Variants in BCAS3 observed in about 807,000 individuals in gnomAD.
BCAS3 encodes BCAS4/BCAS3 fusion.
A neutral mutation model predicts 116.1 loss-of-function variants in BCAS3; 53 were observed. The observed-to-expected ratio is 0.46, with a 90% CI of 0.37 to 0.57. The LOEUF (loss-of-function observed/expected upper bound fraction) is 0.57, where lower values mean the gene tolerates loss of function less well. Ranked by LOEUF, BCAS3 falls within the 20% of genes least tolerant of loss-of-function variation. The pLI, the probability that BCAS3 is intolerant of heterozygous loss-of-function variation, is 0.00. For synonymous variants in BCAS3, 391 were observed against 408.2 expected (o/e 0.96, Z 0.51); for missense variants, 917 against 1,165.4 (o/e 0.79, Z 3.10).
intron 22 of BCAS3, among the ~76,000 whole-genome samples, chr17:61,328,891 T>C (rs1227957111): frequency 8.9e-6 from 1 of 112,804 alleles, no homozygotes; most frequent in Non-Finnish European, 1.9e-5. Context: ...ACGCAGGCTC[T>C]TTTTTTTTTT....
intron 22 of BCAS3, among the ~76,000 whole-genome samples, chr17:61,298,917 G>A (rs968667319): frequency 6.6e-6 from 1 of 151,796 alleles, no homozygotes; most frequent in African/African-American, 2.4e-5. Flanking sequence ...CTGCCTCCTG[G>A]GTTCAAGCAG....
rs1237341088 is a variant in BCAS3 at position 60,945,163 on chromosome 17, A to G, written c.1088-2056A>G. On this transcript the variant is annotated intron_variant, in intron 13 of 23. Transcript: ENST00000407086. ...TCTATGCACTAGCAAGCAAAAATTG[A>G]TCATTTTAAAAAATATTACCATTTA... Among the ~76,000 whole-genome samples the G allele has an allele frequency of 3.9e-5, 6 of 152,338 alleles. No homozygotes were observed. In the East Asian group the frequency reaches 7.7e-4, roughly 20 times the overall value.
At chr17:60,933,047 C>T (rs1191035118) in intron 13 of BCAS3, among the ~76,000 whole-genome samples, 6 of 152,062 alleles carry the variant, frequency 3.9e-5, no homozygotes, top group South Asian at 2.1e-4. Flanking sequence ...TAGTGGCACA[C>T]GCCTGTAATC....
chr17:60,755,573 A>G (rs1460021915), intron 6 of BCAS3, among the ~76,000 whole-genome samples: 1 of 152,224 alleles, frequency 6.6e-6, no homozygotes, highest in Non-Finnish European at 1.5e-5. Context: ...CTCTTTATAC[A>G]CACACTCCAT....
At position 61,365,046 on chromosome 17, in the gene BCAS3, A is replaced by G. The variant is rs1236174048; in HGVS notation, c.2426-3281A>G. On this transcript the variant is annotated intron_variant, in intron 22 of 23. Coordinates refer to ENST00000407086, the MANE Select transcript of BCAS3 (RefSeq NM_017679.5). This position sits in a 1 kb window ranked among gnomAD's most constrained non-coding sequence, Gnocchi z 4.6. ...ACTGTGTGTCAGGTCTTTTACATTTATCTACTGCAGTCCTCACAACAATCC... is the reference window on the plus strand; with the variant it reads ...ACTGTGTGTCAGGTCTTTTACATTTGTCTACTGCAGTCCTCACAACAATCC... Among the ~76,000 whole-genome samples the G allele has an allele frequency of 6.6e-6, 1 of 152,208 alleles. No individual in the cohort carries two copies. Among genetic ancestry groups the G allele is most frequent in the Non-Finnish European group, 1.5e-5 (1 of 68,040 alleles).
At chr17:61,254,209 AT>A (rs1173467623) in intron 22 of BCAS3, among the ~76,000 whole-genome samples, 2 of 152,126 alleles carry the variant, frequency 1.3e-5, no homozygotes, top group East Asian at 3.9e-4. Flanking sequence ...CCTTCAGGAG[AT>A]TTAACCCTGC....
At chr17:61,179,860 T>TTCTC (rs965020635) in intron 22 of BCAS3, among the ~76,000 whole-genome samples, 1 of 146,958 alleles carries the variant, frequency 6.8e-6, no homozygotes, top group African/African-American at 2.5e-5. Flanking sequence ...ATCACTGTTT[T>TTCTC]TCTCTCTCTC....
At chr17:60,885,949 C>T (rs1160184679) in intron 9 of BCAS3, among the ~76,000 whole-genome samples, 4 of 140,354 alleles carry the variant, frequency 2.8e-5, no homozygotes, top group African/African-American at 8.5e-5. Flanking sequence ...CGAGGAGTAT[C>T]TTTGTGGCAT....
intron 22 of BCAS3, among the ~76,000 whole-genome samples, chr17:61,312,910 C>A (rs1041204576): frequency 1.1e-4 from 17 of 152,212 alleles, no homozygotes; most frequent in African/African-American, 1.7e-4. Flanking sequence ...GTGGGCATAA[C>A]CGAAGACTTG....
In BCAS3 at chr17:61,132,550, G is replaced by A. The variant is rs2076397084; in HGVS notation, c.2425+47986G>A. Among the ~76,000 whole-genome samples the A allele has an allele frequency of 6.6e-6, 1 of 152,170 alleles. No homozygotes were observed. The highest frequency in any genetic ancestry group is 2.4e-5 in the African/African-American group (1 of 41,424). On this transcript the variant is annotated intron_variant, in intron 22 of 23. Transcript: ENST00000407086. The surrounding 1 kb of genome is among the most constrained non-coding windows in gnomAD (Gnocchi z 5.1). ...TAAGAATATAGATTGTTTGTGCCGG[G>A]CTTATACAATGGGTCTCTAAACTAT...
rs2068293821 is a variant in BCAS3, at chr17:61,046,084, A to ATATATATATAATATATATATT, written c.2029+5202_2029+5203insATATATATATTTATATATATA. On this transcript the variant is annotated intron_variant, in intron 19 of 23. Transcript: ENST00000407086. ...ATATATATATAATATATATATATTT[A>ATATATATATAATATATATATT]TATATATATATAATATATATATATA... 1.4e-4 allele frequency among the ~76,000 whole-genome samples: 5 copies of ATATATATATAATATATATATT among 36,524 alleles called. 1 individual carries two copies. Among genetic ancestry groups the ATATATATATAATATATATATT allele is most frequent in the African/African-American group, 1.2e-3 (5 of 4,018 alleles). The allele number at this position is 36,524 out of a possible 152,430, so 24.0% of individuals were successfully genotyped here.
chr17:60,896,768 A>G (rs569510094), intron 10 of BCAS3, among the ~76,000 whole-genome samples: 41 of 152,298 alleles, frequency 2.7e-4, no homozygotes, highest in African/African-American at 9.6e-4. Context: ...GGTCATTTAA[A>G]AAAATCCATT....
intron 22 of BCAS3, among the ~76,000 whole-genome samples, chr17:61,116,002 A>G (rs2075410140): frequency 6.7e-6 from 1 of 149,716 alleles, no homozygotes; most frequent in Non-Finnish European, 1.5e-5. Context: ...CAAAAAACCA[A>G]ACACCGCATA....
At chr17:60,681,779 G>A (rs1313833810) in intron 2 of BCAS3, among the ~76,000 whole-genome samples, 3 of 151,770 alleles carry the variant, frequency 2.0e-5, no homozygotes, top group Non-Finnish European at 2.9e-5. Context: ...GCCCAGGCTG[G>A]AGTGCGATGG....
intron 2 of BCAS3, among the ~76,000 whole-genome samples, chr17:60,683,442 A>G (rs1019296181): frequency 1.3e-5 from 2 of 151,048 alleles, no homozygotes; most frequent in South Asian, 2.1e-4. Context: ...ATTTAATAAC[A>G]TATATAAAGA....
At position 61,087,688 on chromosome 17, in the gene BCAS3, A is replaced by C. The variant is rs529049349; in HGVS notation, c.2425+3124A>C. ...TTTTGCAAAGAAACACATTGCCTAA[A>C]ATACATATTTTTAAATTATTAACTT... is the stretch of plus-strand genomic sequence containing the variant. On this transcript the variant is annotated intron_variant, in intron 22 of 23. Coordinates refer to ENST00000407086, the MANE Select transcript of BCAS3 (RefSeq NM_017679.5). The surrounding 1 kb of genome is among the most constrained non-coding windows in gnomAD (Gnocchi z 4.6). Among the ~76,000 whole-genome samples the C allele has an allele frequency of 1.8e-4, 28 of 152,318 alleles. No homozygotes were observed. The highest frequency in any genetic ancestry group is 6.3e-4 in the African/African-American group (26 of 41,562).
At chr17:61,165,616 G>T (rs2078444573) in intron 22 of BCAS3, among the ~76,000 whole-genome samples, 1 of 152,168 alleles carries the variant, frequency 6.6e-6, no homozygotes, top group South Asian at 2.1e-4. Context: ...AACCTGGGAG[G>T]CAGAGGTTGC....
rs572244455 is a variant in BCAS3, at chr17:60,995,547, C to T, written c.1486+5312C>T. Among the ~76,000 whole-genome samples, 1 of 152,204 alleles carries T rather than the reference C, an allele frequency of 6.6e-6. No homozygotes were observed. Among genetic ancestry groups the T allele is most frequent in the East Asian group, 1.9e-4 (1 of 5,174 alleles). ...TCCTGACCTCAAGTGATCCACCTGC[C>T]TCAGCCTCCCAAGGTGCTGGGATTA... On this transcript the variant is annotated intron_variant, in intron 15 of 23. Coordinates refer to ENST00000407086, the MANE Select transcript of BCAS3 (RefSeq NM_017679.5). This position sits in a 1 kb window ranked among gnomAD's most constrained non-coding sequence, Gnocchi z 4.7.
intron 18 of BCAS3, among the ~76,000 whole-genome samples, chr17:61,038,909 C>T (rs1200438444): frequency 2.6e-5 from 4 of 152,058 alleles, no homozygotes; most frequent in East Asian, 3.9e-4. Context: ...GATCCACTCG[C>T]CTTGGCCTCC....
Sources: gnomAD v4.1 joint callset for allele counts (sites outside exome capture counted in the v4.1 genomes callset) on GRCh38, gnomAD v4.1.1 for gene constraint, Gnocchi (gnomAD v3.1) non-coding constraint, MANE v1.5 for transcripts, NCBI Gene and HGNC (gene_info 2026-07-23, HGNC 2026-07-21) for gene names.